The following PCDH15 variants were observed in gnomAD, a reference collection of about 807,000 sequenced individuals.
PCDH15 encodes protocadherin-15.
PCDH15 carries 129 observed loss-of-function variants against 178.5 expected under a neutral mutation model. The observed-to-expected ratio is 0.72, with a 90% CI of 0.63 to 0.84. The LOEUF is 0.84. Among genes scored for constraint, PCDH15 ranks in the 40% least tolerant of loss-of-function variants. PCDH15 has a pLI of 0.00. For missense variants in PCDH15, 2,230 were observed against 2,099.9 expected (o/e 1.06, Z -1.21); for synonymous variants, 800 against 732.0 (o/e 1.09, Z -1.50).
intron 1 of PCDH15, among the ~76,000 whole-genome samples, chr10:54,746,240 G>A (rs1353999427): frequency 1.3e-5 from 2 of 152,038 alleles, no homozygotes; most frequent in Non-Finnish European, 2.9e-5. Flanking sequence ...AGTTGTGACA[G>A]CCAAAAATGT....
intron 2 of PCDH15, among the ~76,000 whole-genome samples, chr10:55,066,602 G>C (rs1173618459): frequency 6.8e-6 from 1 of 146,182 alleles, no homozygotes; most frequent in Non-Finnish European, 1.5e-5. Context: ...TTTATTCTAA[G>C]ATCTGTAAGT....
intron 2 of PCDH15, among the ~76,000 whole-genome samples, chr10:54,542,343 A>C (rs1349615620): frequency 6.6e-6 from 1 of 152,152 alleles, no homozygotes; most frequent in Non-Finnish European, 1.5e-5. Flanking sequence ...AAGTTTATAT[A>C]TTTGAGTTTA....
At chr10:54,730,414 G>T (rs895327998) in intron 1 of PCDH15, among the ~76,000 whole-genome samples, 2 of 151,524 alleles carry the variant, frequency 1.3e-5, no homozygotes, top group African/African-American at 4.8e-5. Flanking sequence ...GAGGGTGGGA[G>T]TTGAGGATCA....
intron 27 of PCDH15, among the ~76,000 whole-genome samples, chr10:53,859,248 T>C: frequency 6.6e-6 from 1 of 152,134 alleles, no homozygotes; most frequent in Non-Finnish European, 1.5e-5. Context: ...AGAGGAGCTT[T>C]TGCAGTGGGA....
At chr10:54,394,154 A>C (rs189483733) in intron 3 of PCDH15, among the ~76,000 whole-genome samples, 1 of 152,210 alleles carries the variant, frequency 6.6e-6, no homozygotes, top group African/African-American at 2.4e-5. Flanking sequence ...AGAAACTCTT[A>C]AGGCTGATGA....
chr10:55,583,559 T>TAGTAGCTGG lies in PCDH15; in HGVS notation c.-156+44057_-156+44065dup, dbSNP rs539127616. Among the ~76,000 whole-genome samples the TAGTAGCTGG allele has an allele frequency of 1.2e-4, 19 of 152,092 alleles. No individual in the cohort carries two copies. In the East Asian group the frequency reaches 3.7e-3, roughly 30 times the overall value. On this transcript the variant is annotated intron_variant, in intron 2 of 5. Transcript: ENST00000613346. ...AGGGAACTTCCTGCCTCAGCCCCCC[T>TAGTAGCTGG]AGTAGCTGGAATTACAGGCATGTAC...
intron 3 of PCDH15, among the ~76,000 whole-genome samples, chr10:54,810,540 T>C (rs1312703613): frequency 2.7e-5 from 4 of 150,594 alleles, no homozygotes; most frequent in Admixed American, 2.6e-4. Context: ...ATTCATATAA[T>C]AAAATATGTC....
At chr10:54,233,020 TG>T (rs1232499619) in intron 9 of PCDH15, among the ~76,000 whole-genome samples, 2 of 150,198 alleles carry the variant, frequency 1.3e-5, no homozygotes, top group Non-Finnish European at 3.0e-5. Context: ...ACTGCAGCCC[TG>T]CAGCCTTGAC....
At chr10:54,659,108 TTAA>T (rs1349246720) in intron 2 of PCDH15, among the ~76,000 whole-genome samples, 1 of 152,078 alleles carries the variant, frequency 6.6e-6, no homozygotes, top group Non-Finnish European at 1.5e-5. Context: ...AGCACCCAGA[TTAA>T]TAAAAACAAC....
intron 2 of PCDH15, among the ~76,000 whole-genome samples, chr10:55,539,119 G>A (rs1288748403): frequency 7.1e-6 from 1 of 140,780 alleles, no homozygotes; most frequent in Non-Finnish European, 1.5e-5. Flanking sequence ...TTCTTCTAAT[G>A]TGTGTACTAT....
intron 3 of PCDH15, among the ~76,000 whole-genome samples, chr10:54,496,929 C>T (rs1183847521): frequency 1.3e-5 from 2 of 152,082 alleles, no homozygotes; most frequent in Non-Finnish European, 2.9e-5. Context: ...TATGCCTAAA[C>T]ACATTATCAC....
chr10:54,830,304 G>A (rs3926486), intron 3 of PCDH15, among the ~76,000 whole-genome samples: 139 of 152,022 alleles, frequency 9.1e-4, no homozygotes, highest in Non-Finnish European at 1.2e-3. Flanking sequence ...TTGTGGCACT[G>A]TTCACAATAG....
intron 21 of PCDH15, among the ~76,000 whole-genome samples, chr10:53,985,909 A>G (rs1479618702): frequency 6.6e-6 from 1 of 152,212 alleles, no homozygotes; most frequent in Non-Finnish European, 1.5e-5. Flanking sequence ...GATAGTTAAT[A>G]TATATTATTT....
At chr10:55,064,224 T>C (rs2132003089) in intron 2 of PCDH15, among the ~76,000 whole-genome samples, 1 of 152,282 alleles carries the variant, frequency 6.6e-6, no homozygotes, top group South Asian at 2.1e-4. Flanking sequence ...AGTAATTATC[T>C]AGGAGTTACT....
chr10:54,833,336 G>C (rs1953258286), intron 3 of PCDH15, among the ~76,000 whole-genome samples: 1 of 152,112 alleles, frequency 6.6e-6, no homozygotes, highest in Non-Finnish European at 1.5e-5. Context: ...TTCTGTGAAG[G>C]CATTTTTTAG....
intron 18 of PCDH15, among the ~76,000 whole-genome samples, chr10:54,043,693 C>A (rs1168669706): frequency 6.6e-6 from 1 of 151,964 alleles, no homozygotes. Context: ...GGTCTCAAGA[C>A]ATAATTACAA....
At chr10:53,965,913 A>G (rs1423335500) in intron 21 of PCDH15, among the ~76,000 whole-genome samples, 1 of 152,224 alleles carries the variant, frequency 6.6e-6, no homozygotes, top group Non-Finnish European at 1.5e-5. Context: ...GATAAAATGA[A>G]AAAGAAAACA....
At chr10:55,127,011 C>T (rs1424847965) in intron 2 of PCDH15, among the ~76,000 whole-genome samples, 13 of 151,996 alleles carry the variant, frequency 8.6e-5, no homozygotes, top group Non-Finnish European at 1.9e-4. Context: ...TCCCCCCACC[C>T]CACACACAAA....
intron 2 of PCDH15, chr10:54,655,426 GGGGTGT>G (rs1372860402): frequency 4.1e-5 from 5 of 122,086 alleles, no homozygotes; most frequent in African/African-American, 1.4e-4. Flanking sequence ...TGTGTGTGGT[GGGGTGT>G]GTGTGTGTGT....
Sources: allele counts gnomAD v4.1 joint callset (sites outside exome capture counted in the v4.1 genomes callset), GRCh38; gene constraint gnomAD v4.1.1; transcripts MANE v1.5; gene names NCBI Gene and HGNC (gene_info 2026-07-23, HGNC 2026-07-21).